The following TOM1L2 variants were observed in gnomAD, a reference collection of about 807,000 sequenced individuals.
The protein encoded by TOM1L2 is TOM1-like protein 2.
A neutral mutation model predicts 67.9 loss-of-function variants in TOM1L2; 31 were observed. That is an observed-to-expected ratio of 0.46 (90% CI 0.34 to 0.62). The LOEUF is 0.62. Among genes scored for constraint, TOM1L2 ranks in the 20% least tolerant of loss-of-function variants. The pLI, the probability that TOM1L2 is intolerant of heterozygous loss-of-function variation, is 0.01. For synonymous variants in TOM1L2, 256 were observed against 254.0 expected, an observed-to-expected ratio of 1.01 and a Z score of -0.07; for missense variants, 606 against 663.5, an observed-to-expected ratio of 0.91 and a Z score of 0.95.
intron 1 of TOM1L2, among the ~76,000 whole-genome samples, chr17:17,950,774 A>G (rs2041167642): frequency 6.6e-6 from 1 of 152,238 alleles, no homozygotes. Context: ...AAAAAAAGTT[A>G]GTCAATACAC....
rs1233984137 is a variant in TOM1L2 at position 17,852,517 on chromosome 17, A to G, written c.1279-1565T>C. ...GAAAGGCCCAAGCCAGTCACTGATC[A>G]GATTAGGAAGAGTCTGTGTTGCTCA... On this transcript the variant is annotated intron_variant, in intron 12 of 14. Coordinates refer to ENST00000379504, the MANE Select transcript of TOM1L2 (RefSeq NM_001082968.2). 4.6e-5 allele frequency among the ~76,000 whole-genome samples: 7 copies of G among 152,342 alleles called. No homozygotes were observed. In the East Asian group the frequency reaches 1.3e-3, roughly 29 times the overall value.
chr17:17,931,167 T>C (rs992048842), intron 1 of TOM1L2, among the ~76,000 whole-genome samples: 1 of 152,154 alleles, frequency 6.6e-6, no homozygotes, highest in Non-Finnish European at 1.5e-5. Context: ...CAGACTCCTC[T>C]TTCCAAGAAC....
intron 1 of TOM1L2, among the ~76,000 whole-genome samples, chr17:17,941,213 C>T (rs1295283054): frequency 6.6e-6 from 1 of 152,116 alleles, no homozygotes; most frequent in African/African-American, 2.4e-5. Context: ...TGTTCCAACT[C>T]GAAATTCTTT....
At chr17:17,860,005 T>C (rs1306226602) in intron 12 of TOM1L2, 3 of 152,344 alleles carry the variant, frequency 2.0e-5, no homozygotes, top group Non-Finnish European at 4.4e-5. Flanking sequence ...TCACATCTCC[T>C]GGGCTCAGAC....
intron 1 of TOM1L2, among the ~76,000 whole-genome samples, chr17:17,930,268 C>T (rs1384607571): frequency 1.3e-5 from 2 of 152,110 alleles, no homozygotes; most frequent in Non-Finnish European, 2.9e-5. Context: ...TACCAACATA[C>T]AAACTTTAGC....
Position 17,850,485 on chromosome 17 carries a change from AAAAG to A in TOM1L2, c.1338+404_1338+407del, listed in dbSNP as rs1367715786. Among the ~76,000 whole-genome samples, 79 of 152,268 alleles carry A rather than the reference AAAAG, an allele frequency of 5.2e-4. 2 individuals carry two copies. The highest frequency in any genetic ancestry group is 3.9e-4 in the Admixed American group (6 of 15,308). ...GTGTGTATACTTCACAATTAAAAAA[AAAAG>A]AAATGAAAACAAAACAAAACAAAAC... On this transcript the variant is annotated intron_variant, in intron 13 of 14. Transcript: ENST00000379504.
intron 1 of TOM1L2, among the ~76,000 whole-genome samples, chr17:17,947,890 A>G (rs2041021297): frequency 6.6e-6 from 1 of 152,116 alleles, no homozygotes; most frequent in South Asian, 2.1e-4. Flanking sequence ...ATAAAGAAAA[A>G]TCTTTGTTCT....
At chr17:17,956,310 G>A (rs575624454) in intron 1 of TOM1L2, among the ~76,000 whole-genome samples, 2 of 152,334 alleles carry the variant, frequency 1.3e-5, no homozygotes, top group Admixed American at 1.3e-4. Flanking sequence ...GATACAGAGT[G>A]CTGATTGGTG....
At chr17:17,855,293 C>A (rs572457937) in intron 12 of TOM1L2, among the ~76,000 whole-genome samples, 1 of 152,190 alleles carries the variant, frequency 6.6e-6, no homozygotes, top group Non-Finnish European at 1.5e-5. Context: ...GAGTAAGAGC[C>A]TTGGGGGCCT....
intron 1 of TOM1L2, among the ~76,000 whole-genome samples, chr17:17,945,623 C>T (rs959108072): frequency 3.3e-5 from 5 of 152,316 alleles, no homozygotes; most frequent in Admixed American, 3.3e-4. Context: ...ACAGCCTATA[C>T]ATCTTAGTTA....
In TOM1L2 at chr17:17,877,424, A is replaced by AG. The variant is rs535227312; in HGVS notation, c.777+2202dup. Among the ~76,000 whole-genome samples, 3 of 152,228 alleles carry AG rather than the reference A, an allele frequency of 2.0e-5. No homozygotes were observed. The East Asian group carries it at 5.8e-4, about 29-fold the overall frequency. On this transcript the variant is annotated intron_variant, in intron 7 of 14. Transcript: ENST00000379504. ...GCCCCGAGCACTCTGGCTGCCCTCC[A>AG]GCTTGATGGAGGGTCCTGGGGACAC...
At chr17:17,870,778 A>T (rs972812747) in intron 7 of TOM1L2, among the ~76,000 whole-genome samples, 1 of 152,152 alleles carries the variant, frequency 6.6e-6, no homozygotes, top group African/African-American at 2.4e-5. Flanking sequence ...GTTACCATTT[A>T]TCCACTCAAG....
intron 1 of TOM1L2, among the ~76,000 whole-genome samples, chr17:17,934,907 T>G (rs1258127704): frequency 6.6e-6 from 1 of 152,174 alleles, no homozygotes; most frequent in African/African-American, 2.4e-5. Flanking sequence ...GATTTCCTAA[T>G]AGAGAAGCTG....
At chr17:17,948,804 C>T (rs1319232297) in intron 1 of TOM1L2, among the ~76,000 whole-genome samples, 1 of 152,074 alleles carries the variant, frequency 6.6e-6, no homozygotes, top group Non-Finnish European at 1.5e-5. Context: ...CTAGGAAGGG[C>T]TTGCTTCCCC....
rs770109067 is a variant in TOM1L2 at position 17,907,439 on chromosome 17, A to G, written c.137+8T>C. The G allele has an allele frequency of 6.2e-7, 1 of 1,613,840 alleles. No homozygotes were observed. Among genetic ancestry groups the G allele is most frequent in the Non-Finnish European group, 8.5e-7 (1 of 1,179,782 alleles). On this transcript the variant is annotated splice_region_variant and intron_variant, in intron 2 of 14. Coordinates refer to ENST00000379504, the MANE Select transcript of TOM1L2 (RefSeq NM_001082968.2). Reference sequence around the variant, plus strand: ...GAGAGGCTTCCCAGGAGAGGGGGGCACACGTACCCTTCCTCCGTCTCATTG... The same window carrying G: ...GAGAGGCTTCCCAGGAGAGGGGGGCGCACGTACCCTTCCTCCGTCTCATTG...
chr17:17,945,267 TACAC>T lies in TOM1L2; in HGVS notation c.52+26991_52+26994del, dbSNP rs143501362. The stretch of plus-strand genomic sequence containing the variant: ...CCAAATGTTTCACCACACACACACA[TACAC>T]ACACACACACACACACACACTCTCT... On this transcript the variant is annotated intron_variant, in intron 1 of 14. Transcript: ENST00000379504. Among the ~76,000 whole-genome samples, 970 of 147,064 alleles carry T rather than the reference TACAC, an allele frequency of 6.6e-3. 6 individuals carry two copies. The highest frequency in any genetic ancestry group is 0.018 in the East Asian group (89 of 5,076).
At chr17:17,961,288 G>C (rs190055023) in intron 1 of TOM1L2, among the ~76,000 whole-genome samples, 73 of 152,242 alleles carry the variant, frequency 4.8e-4, no homozygotes, top group South Asian at 1.0e-3. Context: ...CAAGTGCAGG[G>C]GTTCACGTCC....
At position 17,850,928 on chromosome 17, in the gene TOM1L2, T is replaced by C. The variant is rs972472710; in HGVS notation, c.1303A>G (p.Met435Val). Residue 435 changes from methionine (M) to valine (V), a missense_variant, in exon 13 of 15, where the codon ATG becomes GTG. Coordinates refer to ENST00000379504, the MANE Select transcript of TOM1L2 (RefSeq NM_001082968.2). ...CTGAGCCACACCTCAATGTCGTCCA[T>C]GACAGATGGCTGCGCAACGGGGATC... ...EGIPVAQPSV[M>V]DDIEVWLRTD... is the part of the protein sequence containing the mutation. The C allele has an allele frequency of 2.4e-5, 39 of 1,613,884 alleles. No individual in the cohort carries two copies. The highest frequency in any genetic ancestry group is 3.0e-5 in the Non-Finnish European group (35 of 1,180,000).
chr17:17,903,570 G>A (rs1042801813), intron 2 of TOM1L2, among the ~76,000 whole-genome samples: 12 of 147,308 alleles, frequency 8.1e-5, no homozygotes, highest in East Asian at 2.0e-4. Flanking sequence ...CCGAGATCGC[G>A]CCACTGCACT....
Sources: allele counts gnomAD v4.1 joint callset (sites outside exome capture counted in the v4.1 genomes callset), GRCh38; gene constraint gnomAD v4.1.1; transcripts MANE v1.5; gene names NCBI Gene and HGNC (gene_info 2026-07-23, HGNC 2026-07-21).